Variants in ACVR2B observed in about 807,000 individuals in gnomAD.
ACVR2B encodes the protein activin A receptor type 2B.
Under a neutral mutation model 65.1 loss-of-function variants are expected in ACVR2B, and 18 were observed. The ratio of observed to expected loss-of-function variants is 0.28; its 90% CI spans 0.19 to 0.41. The LOEUF (loss-of-function observed/expected upper bound fraction) is 0.41. Ranked by LOEUF, ACVR2B falls within the 10% of genes least tolerant of loss-of-function variation. The pLI is 1.00. For missense variants in ACVR2B, 482 were observed against 682.7 expected, an observed-to-expected ratio of 0.71 and a Z score of 3.28; for synonymous variants, 298 against 277.7, an observed-to-expected ratio of 1.07 and a Z score of -0.73.
At position 38,477,739 on chromosome 3, in the gene ACVR2B, C is replaced by T. The variant is rs562276979; in HGVS notation, c.261-122C>T. On this transcript the variant is annotated intron_variant, in intron 2 of 10. Coordinates refer to ENST00000352511, the MANE Select transcript of ACVR2B (RefSeq NM_001106.4). This position sits in a 1 kb window ranked among gnomAD's most constrained non-coding sequence, Gnocchi z 6.7. Reference sequence around the variant, plus strand: ...GGGTCTCCTGTAGGGGAGGTGAGTTCACACCGTCCCCCTGGTGTTGCCCAT... The same window carrying T: ...GGGTCTCCTGTAGGGGAGGTGAGTTTACACCGTCCCCCTGGTGTTGCCCAT... 2.0e-5 allele frequency: 23 copies of T among 1,149,216 alleles called. No individual in the cohort carries two copies. The African/African-American group carries it at 3.3e-4, about 17-fold the overall frequency. The allele number at this position is 1,149,216 out of a possible 1,614,324, so 71.2% of individuals were successfully genotyped here.
Position 38,477,187 on chromosome 3 carries a change from C to T in ACVR2B, c.53-100C>T. ...TGGTGACCCCAACCCACCACCCGGC[C>T]TCCCTCCCTCAGGGTGGCCTGGCAC... On this transcript the variant is annotated intron_variant, in intron 1 of 10. Transcript: ENST00000352511. This position sits in a 1 kb window ranked among gnomAD's most constrained non-coding sequence, Gnocchi z 6.7. 1 of 1,436,444 alleles carries T rather than the reference C, an allele frequency of 7.0e-7. No individual in the cohort carries two copies. The highest frequency in any genetic ancestry group is 9.6e-7 in the Non-Finnish European group (1 of 1,040,626). The allele number at this position is 1,436,444 out of a possible 1,614,324, so 89.0% of individuals were successfully genotyped here.
At chr3:38,473,146 T>C (rs1275332097) in intron 1 of ACVR2B, among the ~76,000 whole-genome samples, 1 of 152,198 alleles carries the variant, frequency 6.6e-6, no homozygotes, top group Non-Finnish European at 1.5e-5. Flanking sequence ...TTAGGCCCCT[T>C]GGAGCATAGG....
At position 38,454,272 on chromosome 3, in the gene ACVR2B, G is replaced by A; in HGVS notation, c.-51G>A. 1 of 1,214,734 alleles carries A rather than the reference G, an allele frequency of 8.2e-7. No individual in the cohort carries two copies. Among genetic ancestry groups the A allele is most frequent in the Non-Finnish European group, 1.0e-6 (1 of 977,538 alleles). 75.2% of individuals were successfully genotyped at this position (1,214,734 alleles called of 1,614,324 possible). On this transcript the variant is annotated 5_prime_UTR_variant, in exon 1 of 11. The change creates a new upstream start codon in the 5' untranslated region. Coordinates refer to ENST00000352511, the MANE Select transcript of ACVR2B (RefSeq NM_001106.4). Reference sequence around the variant, plus strand: ...TGGCCCTGCGCGCCCCGGGAGCGCCGTGCGGCCCTGCCCGCGGGCTCCGGG... The same window carrying A: ...TGGCCCTGCGCGCCCCGGGAGCGCCATGCGGCCCTGCCCGCGGGCTCCGGG...
In ACVR2B at chr3:38,491,893, A is replaced by G. The variant is rs200234620; in HGVS notation, c.*8561A>G. ...AGTTCCACACCACAAATCCACAACA[A>G]TGCCATTTTTCAACTGTACAAAAAT... On this transcript the variant is annotated 3_prime_UTR_variant, in exon 11 of 11. Transcript: ENST00000352511. The G allele has an allele frequency of 6.6e-6, 1 of 152,214 alleles. No homozygotes were observed. Among genetic ancestry groups the G allele is most frequent in the African/African-American group, 2.4e-5 (1 of 41,446 alleles). 9.4% of individuals were successfully genotyped at this position (152,214 alleles called of 1,614,324 possible).
At position 38,472,939 on chromosome 3, in the gene ACVR2B, C is replaced by T. The variant is rs115854611; in HGVS notation, c.53-4348C>T. Among the ~76,000 whole-genome samples, 502 of 152,308 alleles carry T rather than the reference C, an allele frequency of 3.3e-3. 2 individuals carry two copies. Among genetic ancestry groups the T allele is most frequent in the Admixed American group, 0.01 (157 of 15,304 alleles). On this transcript the variant is annotated intron_variant, in intron 1 of 10. Coordinates refer to ENST00000352511, the MANE Select transcript of ACVR2B (RefSeq NM_001106.4). Reference sequence around the variant, plus strand: ...CCTCCCAGTATTTGACCTCCCAGTGCGTGTCTTCGAGCATCCAAACTAGCC... The same window carrying T: ...CCTCCCAGTATTTGACCTCCCAGTGTGTGTCTTCGAGCATCCAAACTAGCC...
chr3:38,471,368 G>A (rs1709814701), intron 1 of ACVR2B, among the ~76,000 whole-genome samples: 1 of 152,146 alleles, frequency 6.6e-6, no homozygotes, highest in Admixed American at 6.5e-5. Context: ...CACTCACCAG[G>A]TGAACCCCAG....
At chr3:38,470,586 C>G (rs896008645) in intron 1 of ACVR2B, among the ~76,000 whole-genome samples, 1 of 152,068 alleles carries the variant, frequency 6.6e-6, no homozygotes, top group Admixed American at 6.5e-5. Flanking sequence ...GGCAGAGATG[C>G]AGGGAGAGAT....
chr3:38,454,486 C>T (rs1212563330), intron 1 of ACVR2B, 112 bp downstream of exon 1: 4 of 977,080 alleles, frequency 4.1e-6, no homozygotes, highest in Middle Eastern at 3.8e-4. Context: ...GCCGCACCAC[C>T]TGTATTCAGC....
At position 38,482,477 on chromosome 3, in the gene ACVR2B, C is replaced by T. The variant is rs778210512; in HGVS notation, c.1261C>T (p.His421Tyr). Residue 421 changes from histidine to tyrosine, a missense_variant, in exon 10 of 11, where the codon CAC becomes TAC. Physicochemically the swap from His to Tyr is moderately conservative, Grantham distance 83 (BLOSUM62 2). This residue lies in a region of ACVR2B where 223 missense variants were observed against 386.3 expected (regional missense o/e 0.58). Transcript: ENST00000352511. ...MLPFEEEIGQ[H>Y]PSLEELQEVV... Reference sequence around the variant, plus strand: ...GCCCTTTGAGGAAGAGATTGGCCAGCACCCTTCGTTGGAGGAGCTGCAGGA... The same window carrying T: ...GCCCTTTGAGGAAGAGATTGGCCAGTACCCTTCGTTGGAGGAGCTGCAGGA... The T allele has an allele frequency of 2.5e-6, 4 of 1,612,960 alleles. No homozygotes were observed. The highest frequency in any genetic ancestry group is 3.4e-6 in the Non-Finnish European group (4 of 1,179,888).
chr3:38,455,684 T>C (rs1217658220), intron 1 of ACVR2B, among the ~76,000 whole-genome samples: 2 of 152,182 alleles, frequency 1.3e-5, no homozygotes, highest in African/African-American at 4.8e-5. Flanking sequence ...AGCTGGCACC[T>C]GAGTACCGTA....
At position 38,484,907 on chromosome 3, in the gene ACVR2B, A is replaced by T. The variant is rs191620872; in HGVS notation, c.*1575A>T. 1 of 152,746 alleles carries T rather than the reference A, an allele frequency of 6.5e-6. No homozygotes were observed. Among genetic ancestry groups the T allele is most frequent in the Admixed American group, 6.5e-5 (1 of 15,306 alleles). 9.5% of individuals were successfully genotyped at this position (152,746 alleles called of 1,614,324 possible). On this transcript the variant is annotated 3_prime_UTR_variant, in exon 11 of 11. Transcript: ENST00000352511. ...TGACAAGGAAGTTTAAAAGAAATAG[A>T]GAAAAAGAAAAAAGTTTGCATCTTC...
chr3:38,460,118 C>G (rs1160633367), intron 1 of ACVR2B, among the ~76,000 whole-genome samples: 1 of 152,120 alleles, frequency 6.6e-6, no homozygotes, highest in Non-Finnish European at 1.5e-5. Context: ...TTCAGACTTC[C>G]TAGTTCCATC....
chr3:38,482,589 A>AG (rs1170768778), intron 10 of ACVR2B, 29 bp downstream of exon 10: 61 of 1,604,262 alleles, frequency 3.8e-5, no homozygotes, highest in Non-Finnish European at 4.6e-5. Context: ...GCAACTTTGC[A>AG]GGGGGGTGGA....
At position 38,471,220 on chromosome 3, in the gene ACVR2B, A is replaced by G. The variant is rs35616174; in HGVS notation, c.53-6067A>G. Among the ~76,000 whole-genome samples the G allele has an allele frequency of 3.0e-3, 451 of 152,350 alleles. 1 individual carries two copies. Among genetic ancestry groups the G allele is most frequent in the Non-Finnish European group, 5.1e-3 (350 of 68,030 alleles). ...ATATATAAAATAATTTCTGTAACTC[A>G]AAGGAAAAGTAATCCAGTAGAAAAA... On this transcript the variant is annotated intron_variant, in intron 1 of 10. Coordinates refer to ENST00000352511, the MANE Select transcript of ACVR2B (RefSeq NM_001106.4).
chr3:38,467,554 C>A (rs573635939), intron 1 of ACVR2B, among the ~76,000 whole-genome samples: 1 of 151,358 alleles, frequency 6.6e-6, no homozygotes, highest in South Asian at 2.1e-4. Flanking sequence ...AGTTTGAGAC[C>A]ATCTTAGGCA....
intron 1 of ACVR2B, among the ~76,000 whole-genome samples, chr3:38,472,346 G>C (rs1709832631): frequency 1.3e-5 from 2 of 152,180 alleles, no homozygotes; most frequent in African/African-American, 4.8e-5. Context: ...TGCCTTTCGA[G>C]GGGTGCTGTC....
At chr3:38,464,452 A>G (rs1242807543) in intron 1 of ACVR2B, among the ~76,000 whole-genome samples, 2 of 152,264 alleles carry the variant, frequency 1.3e-5, no homozygotes, top group African/African-American at 4.8e-5. Context: ...TTCTAAAGGT[A>G]ACTGGAGAAA....
In ACVR2B at chr3:38,483,359, C is replaced by G. The variant is rs777233069; in HGVS notation, c.*27C>G. 6.2e-7 allele frequency: 1 copy of G among 1,612,446 alleles called. No individual in the cohort carries two copies. Among genetic ancestry groups the G allele is most frequent in the South Asian group, 1.1e-5 (1 of 91,022 alleles). ...CCCAGGACATGAGTGTCTGTCCAGA[C>G]TCAGTGGATCTGAAGAAAAAAGGAA... On this transcript the variant is annotated 3_prime_UTR_variant, in exon 11 of 11. Coordinates refer to ENST00000352511, the MANE Select transcript of ACVR2B (RefSeq NM_001106.4). The surrounding 1 kb of genome is among the most constrained non-coding windows in gnomAD (Gnocchi z 4.8).
rs920038795 is a variant in ACVR2B at position 38,488,858 on chromosome 3, G to T, written c.*5526G>T. The stretch of plus-strand genomic sequence containing the variant: ...TTCTCTAGGGCAGTGTCTTTGGATT[G>T]TCTAGGGCCTAGGTAATTCTGAGAA... On this transcript the variant is annotated 3_prime_UTR_variant, in exon 11 of 11. Transcript: ENST00000352511. The T allele has an allele frequency of 6.6e-6, 1 of 152,184 alleles. No homozygotes were observed. The highest frequency in any genetic ancestry group is 2.4e-5 in the African/African-American group (1 of 41,434). 9.4% of individuals were successfully genotyped at this position (152,184 alleles called of 1,614,324 possible).
Sources: allele counts gnomAD v4.1 joint callset (sites outside exome capture counted in the v4.1 genomes callset), GRCh38; gene constraint gnomAD v4.1.1; regional missense constraint gnomAD v4.1.1; non-coding constraint Gnocchi (gnomAD v3.1); transcripts MANE v1.5; gene names NCBI Gene and HGNC (gene_info 2026-07-23, HGNC 2026-07-21).